GABRR3: variants seen among roughly 807,000 people sequenced by gnomAD.
The protein encoded by GABRR3 is gamma-aminobutyric acid type A receptor subunit rho3, also known as gamma-aminobutyric acid receptor subunit rho-3.
In GABRR3, 29 loss-of-function variants were observed where a neutral mutation model predicts 43.2. That is an observed-to-expected ratio of 0.67 (90% CI 0.50 to 0.92). The LOEUF is 0.92. Ranked by LOEUF, GABRR3 falls within the 40% of genes least tolerant of loss-of-function variation. The pLI is 0.00. For missense variants in GABRR3, 576 were observed against 572.3 expected, an observed-to-expected ratio of 1.01 and a Z score of -0.07; for synonymous variants, 206 against 195.9, an observed-to-expected ratio of 1.05 and a Z score of -0.43.
At chr3:98,032,705 G>A (rs1021465530) in intron 2 of GABRR3, among the ~76,000 whole-genome samples, 1 of 152,104 alleles carries the variant, frequency 6.6e-6, no homozygotes, top group Non-Finnish European at 1.5e-5. Context: ...ATTAAAAAGT[G>A]AGGTTATATT....
intron 3 of GABRR3, among the ~76,000 whole-genome samples, chr3:98,022,696 GACTAATC>G (rs1706962937): frequency 6.6e-6 from 1 of 152,028 alleles, no homozygotes; most frequent in Admixed American, 6.6e-5. Context: ...GGCTCAAACT[GACTAATC>G]ACACAAGCCA....
chr3:98,016,503 A>C (rs779719763), intron 4 of GABRR3, among the ~76,000 whole-genome samples: 2 of 152,132 alleles, frequency 1.3e-5, no homozygotes, highest in Non-Finnish European at 2.9e-5. Flanking sequence ...CTGCAGAACC[A>C]TGGGCCAAGC....
At chr3:98,017,753 G>C (rs751149700) in intron 3 of GABRR3, 31 bp from the exon 4 acceptor site, 2 of 1,425,462 alleles carry the variant, frequency 1.4e-6, no homozygotes, top group East Asian at 4.6e-5. Flanking sequence ...AATATGCTGA[G>C]GAATGCATTA....
chr3:98,028,017 A>C (rs1293517863), intron 2 of GABRR3, among the ~76,000 whole-genome samples: 2 of 152,112 alleles, frequency 1.3e-5, no homozygotes, highest in Admixed American at 6.6e-5. Flanking sequence ...CCTTTGTAAG[A>C]AAAATGTGTA....
chr3:98,023,423 G>A (rs1298925858), intron 3 of GABRR3, among the ~76,000 whole-genome samples: 1 of 152,096 alleles, frequency 6.6e-6, no homozygotes, highest in Non-Finnish European at 1.5e-5. Flanking sequence ...GGCGCCCCCT[G>A]GTGGCCGAAA....
At chr3:97,988,799 G>T (rs1237404052) in intron 9 of GABRR3, among the ~76,000 whole-genome samples, 1 of 151,760 alleles carries the variant, frequency 6.6e-6, no homozygotes, top group Non-Finnish European at 1.5e-5. Context: ...AGTGGTGGAT[G>T]GTGGTCATGG....
chr3:98,033,382 C>T (rs545687433), intron 2 of GABRR3, among the ~76,000 whole-genome samples: 29 of 152,254 alleles, frequency 1.9e-4, no homozygotes, highest in Non-Finnish European at 4.3e-4. Flanking sequence ...TTTTCCTTTA[C>T]ATAGGATCTA....
At chr3:97,985,920 G>T (rs905207338), downstream of GABRR3, among the ~76,000 whole-genome samples, 1 of 151,906 alleles carries the variant, frequency 6.6e-6, no homozygotes, top group African/African-American at 2.4e-5. Flanking sequence ...AGGCTAGAGT[G>T]CAGTGGCTCA....
chr3:98,010,848 C>T (rs1202183359), intron 5 of GABRR3, among the ~76,000 whole-genome samples: 2 of 152,188 alleles, frequency 1.3e-5, no homozygotes, highest in Non-Finnish European at 2.9e-5. Context: ...ACCTGTAACG[C>T]CAGTACTTTG....
At chr3:98,032,123 TA>T (rs1707094093) in intron 2 of GABRR3, among the ~76,000 whole-genome samples, 1 of 142,590 alleles carries the variant, frequency 7.0e-6, no homozygotes, top group African/African-American at 2.6e-5. Context: ...TATAGTATAG[TA>T]ATGGTATACT....
chr3:97,985,633 G>A (rs1398591633), downstream of GABRR3, among the ~76,000 whole-genome samples: 1 of 152,160 alleles, frequency 6.6e-6, no homozygotes, highest in Non-Finnish European at 1.5e-5. Flanking sequence ...ACTTAGTGAA[G>A]TGCCTGGCAC....
chr3:98,002,672 G>A (rs1196573697), intron 7 of GABRR3, among the ~76,000 whole-genome samples: 1 of 151,842 alleles, frequency 6.6e-6, no homozygotes, highest in East Asian at 1.9e-4. Context: ...CTAAAATAAG[G>A]CAATACATGA....
At chr3:98,029,943 C>T (rs986572030) in intron 2 of GABRR3, among the ~76,000 whole-genome samples, 6 of 151,696 alleles carry the variant, frequency 4.0e-5, no homozygotes, top group African/African-American at 1.5e-4. Flanking sequence ...TGGTAAACCC[C>T]ATCTCTACTA....
exon 6 of GABRR3, chr3:98,008,958 C>A (rs1706755860): frequency 4.4e-6 from 7 of 1,595,150 alleles, no homozygotes; most frequent in Non-Finnish European, 6.0e-6. Flanking sequence ...AGACTTACAG[C>A]TTTCCAGTTC....
chr3:97,994,579 C>T (rs1706512374), intron 8 of GABRR3, among the ~76,000 whole-genome samples: 2 of 152,180 alleles, frequency 1.3e-5, no homozygotes, highest in Admixed American at 6.5e-5. Context: ...GCTACGTAAA[C>T]ATGAAGCAAA....
chr3:98,008,929 C>T (rs752014379), intron 6 of GABRR3, 27 bp downstream of exon 6: 25 of 1,416,432 alleles, frequency 1.8e-5, no homozygotes, highest in Non-Finnish European at 2.3e-5. Flanking sequence ...ATGATGTGCA[C>T]TCACTCCACC....
At chr3:98,005,050 T>C (rs956101211) in intron 7 of GABRR3, among the ~76,000 whole-genome samples, 6 of 152,084 alleles carry the variant, frequency 3.9e-5, no homozygotes, top group African/African-American at 1.4e-4. Flanking sequence ...TGATTATTGA[T>C]TTGATATTTG....
At chr3:98,002,230 C>T (rs189739258) in intron 7 of GABRR3, among the ~76,000 whole-genome samples, 27 of 152,184 alleles carry the variant, frequency 1.8e-4, no homozygotes, top group Non-Finnish European at 2.9e-4. Context: ...ATGGAGACAG[C>T]TGGGGATTCA....
At chr3:98,027,731 A>G (rs1707041419) in intron 2 of GABRR3, among the ~76,000 whole-genome samples, 1 of 152,244 alleles carries the variant, frequency 6.6e-6, no homozygotes, top group African/African-American at 2.4e-5. Flanking sequence ...TACGCTTTTA[A>G]AGAATTTTGA....
Sources: allele counts gnomAD v4.1 joint callset (sites outside exome capture counted in the v4.1 genomes callset), GRCh38; gene constraint gnomAD v4.1.1; transcripts MANE v1.5; gene names NCBI Gene and HGNC (gene_info 2026-07-23, HGNC 2026-07-21).